Variants in TK2 observed in about 807,000 individuals in gnomAD.
TK2 encodes the protein thymidine kinase 2, mitochondrial.
In TK2, 35 loss-of-function variants were observed where a neutral mutation model predicts 41.9. That is an observed-to-expected ratio of 0.84 (90% confidence interval 0.64 to 1.11). TK2 has a LOEUF of 1.11. Among genes scored for constraint, TK2 ranks in the 50% least tolerant of loss-of-function variants. The pLI, the probability that TK2 is intolerant of heterozygous loss-of-function variation, is 0.00. For missense variants in TK2, 320 were observed against 351.1 expected (o/e 0.91, Z 0.71); for synonymous variants, 128 against 129.1 (o/e 0.99, Z 0.06).
At chr16:66,548,674 C>G (rs779924998) in intron 2 of TK2, 4 of 373,566 alleles carry the variant, frequency 1.1e-5, no homozygotes, top group Non-Finnish European at 2.0e-5. Context: ...CTGACCTTCC[C>G]CACAACACAA....
intron 5 of TK2, 94 bp from the exon 6 acceptor site, chr16:66,529,161 C>T: frequency 8.4e-7 from 1 of 1,185,714 alleles, no homozygotes; most frequent in Non-Finnish European, 1.3e-6. Flanking sequence ...TGCCTGGGGA[C>T]TTTGCTGAAT....
At chr16:66,549,500 C>T (rs1965715709) in intron 1 of TK2, 3 of 1,035,824 alleles carry the variant, frequency 2.9e-6, no homozygotes. Flanking sequence ...AACAGTGACC[C>T]GTTTCTGTGT....
chr16:66,534,494 T>C (rs1044419858), intron 4 of TK2, among the ~76,000 whole-genome samples: 1 of 152,210 alleles, frequency 6.6e-6, no homozygotes, highest in African/African-American at 2.4e-5. Context: ...ACCCTTATCA[T>C]GGCCCACAAG....
chr16:66,526,414 C>CGGGAGAGG (rs1159747874), intron 6 of TK2, among the ~76,000 whole-genome samples: 2 of 152,160 alleles, frequency 1.3e-5, no homozygotes, highest in Non-Finnish European at 2.9e-5. Flanking sequence ...TCCCCTTAAC[C>CGGGAGAGG]TCTGGTCATT....
intron 2 of TK2, 52 bp downstream of exon 2, chr16:66,548,926 C>G (rs1485479048): frequency 6.4e-7 from 1 of 1,556,082 alleles, no homozygotes; most frequent in Non-Finnish European, 8.8e-7. Flanking sequence ...TTTCTCTCTC[C>G]TCTTCAAAAA....
Position 66,517,972 on chromosome 16 carries a change from G to T in TK2, c.450-95C>A. 1 of 1,015,920 alleles carries T rather than the reference G, an allele frequency of 9.8e-7. No homozygotes were observed. The highest frequency in any genetic ancestry group is 2.4e-5 in the East Asian group (1 of 41,870). The allele number at this position is 1,015,920 out of a possible 1,614,324, so 62.9% of individuals were successfully genotyped here. A position where few individuals can be genotyped will look rare whatever the true frequency, so the allele number is the denominator to read the frequency against. ...GATCTTGAGACGGCTCTCAATGAAA[G>T]GAGTCACCAAGGGTACCAGGGCACA... is the stretch of plus-strand genomic sequence containing the variant. On this transcript the variant is annotated intron_variant, in intron 6 of 9. Transcript: ENST00000544898. This position sits in a 1 kb window ranked among gnomAD's most constrained non-coding sequence, Gnocchi z 4.3.
intron 6 of TK2, among the ~76,000 whole-genome samples, chr16:66,526,311 A>G (rs1964929054): frequency 6.6e-6 from 1 of 152,248 alleles, no homozygotes; most frequent in Non-Finnish European, 1.5e-5. Context: ...AGATGGGCTC[A>G]GAGAAATTTA....
chr16:66,521,725 C>G (rs1312236550), intron 6 of TK2, among the ~76,000 whole-genome samples: 1 of 152,232 alleles, frequency 6.6e-6, no homozygotes, highest in Non-Finnish European at 1.5e-5. Flanking sequence ...CCCCACACCA[C>G]CGACAAGACA....
intron 6 of TK2, among the ~76,000 whole-genome samples, chr16:66,528,277 G>A (rs983090979): frequency 6.6e-6 from 1 of 152,174 alleles, no homozygotes; most frequent in Non-Finnish European, 1.5e-5. Context: ...CCTAGAAATC[G>A]GCAGTCTCTG....
At chr16:66,516,281 T>C (rs916475864) in intron 8 of TK2, among the ~76,000 whole-genome samples, 1 of 152,190 alleles carries the variant, frequency 6.6e-6, no homozygotes, top group African/African-American at 2.4e-5. Context: ...GAAACGACTG[T>C]GCAAAGGCAC....
intron 5 of TK2, among the ~76,000 whole-genome samples, chr16:66,530,750 C>A (rs1242688101): frequency 2.0e-5 from 3 of 150,776 alleles, no homozygotes; most frequent in South Asian, 4.2e-4. Flanking sequence ...CAGAGTCTCA[C>A]TCTGTCACCC....
intron 5 of TK2, among the ~76,000 whole-genome samples, chr16:66,529,371 G>GTCTCAACTA (rs1452625543): frequency 2.6e-5 from 4 of 152,242 alleles, no homozygotes; most frequent in African/African-American, 9.6e-5. Flanking sequence ...TGGCAGGTGA[G>GTCTCAACTA]TCTCAACTAG....
At chr16:66,534,400 G>A (rs1022340438) in intron 4 of TK2, among the ~76,000 whole-genome samples, 1 of 152,232 alleles carries the variant, frequency 6.6e-6, no homozygotes, top group Non-Finnish European at 1.5e-5. Context: ...ACAAGAGTGA[G>A]TCTGTGAAAC....
At chr16:66,533,362 A>T (rs1039846146) in intron 4 of TK2, among the ~76,000 whole-genome samples, 2 of 144,840 alleles carry the variant, frequency 1.4e-5, no homozygotes, top group African/African-American at 2.5e-5. Flanking sequence ...AAAAAAAGCT[A>T]TAAGAGAATA....
At chr16:66,524,051 T>C (rs1056713955) in intron 6 of TK2, among the ~76,000 whole-genome samples, 1 of 152,106 alleles carries the variant, frequency 6.6e-6, no homozygotes, top group Non-Finnish European at 1.5e-5. Flanking sequence ...TCCAGAAACC[T>C]TAAAAACAAA....
In TK2 at chr16:66,514,611, G is replaced by GC. The variant is rs773928781; in HGVS notation, c.619-801dup. Among the ~76,000 whole-genome samples the GC allele has an allele frequency of 1.1e-4, 17 of 152,100 alleles. No homozygotes were observed. The highest frequency in any genetic ancestry group is 2.0e-4 in the Admixed American group (3 of 15,270). On this transcript the variant is annotated intron_variant, in intron 8 of 9. Transcript: ENST00000544898. This position sits in a 1 kb window ranked among gnomAD's most constrained non-coding sequence, Gnocchi z 4.2. ...TAGGATGTGAGGACCCCTCTGCCCGGCCGCTCAGTCTGGGAAGTGAGGAGC... is the reference window on the plus strand; with the variant it reads ...TAGGATGTGAGGACCCCTCTGCCCGGCCCGCTCAGTCTGGGAAGTGAGGAGC...
At chr16:66,549,609 C>T (rs1965720603) in intron 1 of TK2, 1 of 1,143,388 alleles carries the variant, frequency 8.7e-7, no homozygotes, top group African/African-American at 1.6e-5. Flanking sequence ...TAAGGCAGCT[C>T]CCAGTCCCCA....
chr16:66,525,654 C>T (rs531013919), intron 6 of TK2, among the ~76,000 whole-genome samples: 1 of 152,276 alleles, frequency 6.6e-6, no homozygotes, highest in East Asian at 1.9e-4. Flanking sequence ...CTGGAGTGCC[C>T]GAGGCCACAT....
At chr16:66,528,392 T>A (rs1459975985) in intron 6 of TK2, among the ~76,000 whole-genome samples, 1 of 152,080 alleles carries the variant, frequency 6.6e-6, no homozygotes, top group Non-Finnish European at 1.5e-5. Flanking sequence ...GAGGGAAGCT[T>A]TTAGTGAAAA....
Sources: gnomAD v4.1 joint callset for allele counts (sites outside exome capture counted in the v4.1 genomes callset) on GRCh38, gnomAD v4.1.1 for gene constraint, Gnocchi (gnomAD v3.1) non-coding constraint, MANE v1.5 for transcripts, NCBI Gene and HGNC (gene_info 2026-07-23, HGNC 2026-07-21) for gene names.